Variants in PARP1 observed in about 807,000 individuals in gnomAD.
PARP1 encodes the protein poly [ADP-ribose] polymerase 1.
Under a neutral mutation model 118.7 loss-of-function variants are expected in PARP1, and 44 were observed. The observed-to-expected ratio is 0.37, with a 90% CI of 0.29 to 0.48. PARP1 has a LOEUF of 0.48. Ranked by LOEUF, PARP1 falls within the 20% of genes least tolerant of loss-of-function variation. PARP1 has a pLI of 0.99. For missense variants in PARP1, 1,100 were observed against 1,272.4 expected, an observed-to-expected ratio of 0.86 and a Z score of 2.06; for synonymous variants, 492 against 483.2, an observed-to-expected ratio of 1.02 and a Z score of -0.24.
intron 2 of PARP1, 135 bp from the exon 3 acceptor site, chr1:226,392,449 T>A (rs1215583231): frequency 1.4e-6 from 1 of 733,674 alleles, no homozygotes; most frequent in East Asian, 2.5e-5. Flanking sequence ...GATTGGTCCA[T>A]CTCATCTGTC....
chr1:226,398,412 G>A (rs1664966382), intron 2 of PARP1, among the ~76,000 whole-genome samples: 1 of 151,940 alleles, frequency 6.6e-6, no homozygotes, highest in Admixed American at 6.6e-5. Flanking sequence ...GCATGGTGGT[G>A]CGCACCTGTA....
chr1:226,381,729 GC>G (rs1309333893), intron 8 of PARP1, among the ~76,000 whole-genome samples: 1 of 152,264 alleles, frequency 6.6e-6, no homozygotes, highest in Non-Finnish European at 1.5e-5. Flanking sequence ...AAAAGCAGCA[GC>G]CTGGTGTGCA....
chr1:226,379,771 C>T (rs748600465), intron 10 of PARP1, 130 bp from the exon 11 acceptor site: 30 of 1,385,268 alleles, frequency 2.2e-5, no homozygotes, highest in Middle Eastern at 2.5e-4. Context: ...ACACTACTCC[C>T]GCCACCCCAA....
At chr1:226,370,388 C>G in intron 15 of PARP1, 46 bp downstream of exon 15, 1 of 1,415,690 alleles carries the variant, frequency 7.1e-7, no homozygotes, top group Non-Finnish European at 1.0e-6. Flanking sequence ...CCCCCTAAGT[C>G]GGCCAGAGGA....
chr1:226,370,529 G>T lies in PARP1; in HGVS notation c.2071-12C>A. ...TTCTGAAGGTCGATCTGAGGAGACAGGGGATTTCGCTCTGAAAGCTGGGCA... is the reference window on the plus strand; with the variant it reads ...TTCTGAAGGTCGATCTGAGGAGACATGGGATTTCGCTCTGAAAGCTGGGCA... On this transcript the variant is annotated splice_polypyrimidine_tract_variant and intron_variant, in intron 14 of 22. Transcript: ENST00000366794. 1 of 1,609,802 alleles carries T rather than the reference G, an allele frequency of 6.2e-7. No individual in the cohort carries two copies. Among genetic ancestry groups the T allele is most frequent in the Non-Finnish European group, 8.5e-7 (1 of 1,176,148 alleles).
At position 226,361,107 on chromosome 1, in the gene PARP1, T is replaced by C. The variant is rs925856182; in HGVS notation, c.*353A>G. ...TAGAAAAAAGGGTGGAAGTGTATTT[T>C]TCCTTCCCTGGGGAAACCAGTAAGG... On this transcript the variant is annotated 3_prime_UTR_variant, in exon 23 of 23. Coordinates refer to ENST00000366794, the MANE Select transcript of PARP1 (RefSeq NM_001618.4). 2 of 311,700 alleles carry C rather than the reference T, an allele frequency of 6.4e-6. No homozygotes were observed. Among genetic ancestry groups the C allele is most frequent in the African/African-American group, 4.2e-5 (2 of 47,540 alleles). 19.3% of individuals were successfully genotyped at this position (311,700 alleles called of 1,614,324 possible).
intron 2 of PARP1, among the ~76,000 whole-genome samples, chr1:226,398,507 G>A (rs568874127): frequency 9.4e-5 from 14 of 148,808 alleles, no homozygotes; most frequent in African/African-American, 3.0e-4. Context: ...TCTAGCCTGG[G>A]CGACGGAGCA....
chr1:226,407,971 C>G lies in PARP1; in HGVS notation c.-42G>C. On this transcript the variant is annotated 5_prime_UTR_variant, in exon 1 of 23. Transcript: ENST00000366794. ...CCAAAGCTCCGGAAGCCCGACGCCACGACCTAGAAACACGCTGCCGCCTCG... is the reference window on the plus strand; with the variant it reads ...CCAAAGCTCCGGAAGCCCGACGCCAGGACCTAGAAACACGCTGCCGCCTCG... The G allele has an allele frequency of 6.2e-7, 1 of 1,611,048 alleles. No homozygotes were observed.
At chr1:226,400,299 G>T (rs1368327433) in intron 2 of PARP1, among the ~76,000 whole-genome samples, 5 of 151,280 alleles carry the variant, frequency 3.3e-5, no homozygotes, top group Non-Finnish European at 1.5e-5. Context: ...ACTCCATCTC[G>T]AAAACAAAAC....
intron 3 of PARP1, 89 bp from the exon 4 acceptor site, chr1:226,390,713 A>T (rs1460310638): frequency 7.9e-7 from 1 of 1,267,952 alleles, no homozygotes; most frequent in Non-Finnish European, 1.1e-6. Flanking sequence ...GCCAGTGAGG[A>T]GCTGAGGGTC....
chr1:226,389,106 C>T (rs1359294521), intron 4 of PARP1, among the ~76,000 whole-genome samples: 1 of 151,976 alleles, frequency 6.6e-6, no homozygotes, highest in African/African-American at 2.4e-5. Flanking sequence ...TATCTCCTGG[C>T]CTGGAAGGTT....
intron 13 of PARP1, among the ~76,000 whole-genome samples, chr1:226,376,552 G>T (rs998048973): frequency 3.3e-5 from 5 of 152,196 alleles, no homozygotes; most frequent in Admixed American, 6.5e-5. Context: ...ATTGTTTCAG[G>T]AGTAACTGAA....
intron 14 of PARP1, among the ~76,000 whole-genome samples, chr1:226,372,552 G>A (rs928635479): frequency 6.6e-6 from 1 of 152,148 alleles, no homozygotes; most frequent in Non-Finnish European, 1.5e-5. Flanking sequence ...GTGCACGCCT[G>A]TAGTCCCAGC....
intron 2 of PARP1, among the ~76,000 whole-genome samples, chr1:226,394,089 C>G (rs960051873): frequency 6.6e-6 from 1 of 152,184 alleles, no homozygotes; most frequent in Non-Finnish European, 1.5e-5. Flanking sequence ...CACCTCACAC[C>G]TGTAATCCCA....
chr1:226,370,386 G>T, intron 15 of PARP1, 48 bp downstream of exon 15: 2 of 1,401,134 alleles, frequency 1.4e-6, no homozygotes, highest in Non-Finnish European at 2.0e-6. Flanking sequence ...CACCCCCTAA[G>T]TCGGCCAGAG....
In PARP1 at chr1:226,363,972, G is replaced by T. The variant is rs139592583; in HGVS notation, c.2757C>A (p.Ile919=). The change falls in exon 20 of 23, where the codon ATC becomes ATA. Residue 919 remains isoleucine (I), a synonymous_variant. Transcript: ENST00000366794. ...TTCCAAGGGCAACTTCTCCCAACAG[G>T]ATTAAGCCTATTGGGTCTCCCTGAG... ...HTSQGDPIGL[I]LLGEVALGNM... is the part of the protein sequence containing the mutation. 6.2e-7 allele frequency: 1 copy of T among 1,614,008 alleles called. No homozygotes were observed. The highest frequency in any genetic ancestry group is 1.7e-5 in the Admixed American group (1 of 60,020).
intron 14 of PARP1, chr1:226,370,723 C>T (rs1399408096): frequency 1.6e-6 from 1 of 629,782 alleles, no homozygotes; most frequent in Non-Finnish European, 2.9e-6. Flanking sequence ...GATTCTTGCT[C>T]ACTTCCTTTA....
chr1:226,386,552 C>T (rs898483859), intron 5 of PARP1, 110 bp from the exon 6 acceptor site: 5 of 796,172 alleles, frequency 6.3e-6, no homozygotes, highest in South Asian at 5.4e-5. Context: ...TGTGCACCAG[C>T]GAGCTGCCCC....
intron 17 of PARP1, chr1:226,366,513 G>C (rs1664267375): frequency 1.5e-5 from 3 of 203,382 alleles, no homozygotes; most frequent in African/African-American, 6.9e-5. Flanking sequence ...AATAGCTGAT[G>C]TAATCTATGC....
Sources: allele counts gnomAD v4.1 joint callset (sites outside exome capture counted in the v4.1 genomes callset), GRCh38; gene constraint gnomAD v4.1.1; transcripts MANE v1.5; gene names NCBI Gene and HGNC (gene_info 2026-07-23, HGNC 2026-07-21).